LOC730098: variants seen among roughly 807,000 people sequenced by gnomAD.
the LOC730098 span, chr9:34,665,519 G>T: frequency 1.4e-6 from 1 of 698,904 alleles, no homozygotes; most frequent in East Asian, 2.7e-5. Context: ...CCCCTGGGAG[G>T]CTCGCCCTGC....
the LOC730098 span, chr9:34,665,306 C>G: frequency 5.7e-6 from 4 of 702,184 alleles, no homozygotes; most frequent in African/African-American, 3.5e-5. Context: ...GTATCGCAGC[C>G]TCCTCACCTC....
At chr9:34,665,678 C>T in the LOC730098 span, 1 of 701,054 alleles carries the variant, frequency 1.4e-6, no homozygotes, top group Non-Finnish European at 2.6e-6. Flanking sequence ...CTCCGAACGT[C>T]TCCTGGGGAG....
chr9:34,665,850 G>A, the LOC730098 span: 1 of 602,664 alleles, frequency 1.7e-6, no homozygotes. Context: ...GGCACTGGAA[G>A]TTAAGGGGTG....
the LOC730098 span, chr9:34,665,933 G>A: frequency 1.8e-6 from 1 of 542,172 alleles, no homozygotes; most frequent in Non-Finnish European, 3.3e-6. Context: ...CATGGGGCTG[G>A]GAGATTTGGG....
At chr9:34,664,816 G>A in the LOC730098 span, 1 of 407,706 alleles carries the variant, frequency 2.5e-6, no homozygotes, top group East Asian at 3.6e-5. Flanking sequence ...CTTCATATAG[G>A]CGACTCACAG....
At chr9:34,665,877 C>A in the LOC730098 span, 23 of 591,226 alleles carry the variant, frequency 3.9e-5, no homozygotes, top group African/African-American at 5.6e-5. Flanking sequence ...CCGGTCATCT[C>A]CGGGGCCTGG....
the LOC730098 span, chr9:34,665,092 C>T: frequency 1.7e-6 from 1 of 599,760 alleles, no homozygotes; most frequent in Non-Finnish European, 3.0e-6. Flanking sequence ...GCGGGGGAAG[C>T]CACGACCCGA....
chr9:34,665,245 C>G, the LOC730098 span: 8 of 696,114 alleles, frequency 1.1e-5, no homozygotes, highest in Admixed American at 6.1e-5. Context: ...CGGATTCCCC[C>G]CGATGGGTCC....
chr9:34,665,529 C>T, the LOC730098 span: 1 of 626,696 alleles, frequency 1.6e-6, no homozygotes, highest in South Asian at 1.5e-5. Flanking sequence ...GCTCGCCCTG[C>T]CCACCCCTCG....
At chr9:34,664,740 T>G in the LOC730098 span, 1 of 332,118 alleles carries the variant, frequency 3.0e-6, no homozygotes, top group South Asian at 1.4e-4. Flanking sequence ...GCAGAGAAGA[T>G]TCTTCAGACA....
the LOC730098 span, chr9:34,665,812 G>C: frequency 1.6e-6 from 1 of 623,710 alleles, no homozygotes; most frequent in Non-Finnish European, 2.9e-6. Context: ...TTGCCACCAC[G>C]GGACAGGGTG....
At chr9:34,664,670 T>C in the LOC730098 span, 5 of 180,820 alleles carry the variant, frequency 2.8e-5, no homozygotes, top group Non-Finnish European at 5.7e-5. Flanking sequence ...AATCTCCCCC[T>C]CTTACCATTT....
At chr9:34,665,943 G>A in the LOC730098 span, 1 of 524,836 alleles carries the variant, frequency 1.9e-6, no homozygotes, top group South Asian at 2.3e-5. Flanking sequence ...GGAGATTTGG[G>A]GCCCTGGGTG....
chr9:34,665,648 C>G, the LOC730098 span: 1 of 701,202 alleles, frequency 1.4e-6, no homozygotes, highest in Admixed American at 2.0e-5. Context: ...CGTATCTCCT[C>G]ATTCCCGACA....
the LOC730098 span, chr9:34,665,817 A>G: frequency 2.6e-5 from 16 of 616,634 alleles, no homozygotes; most frequent in East Asian, 3.3e-4. Flanking sequence ...ACCACGGGAC[A>G]GGGTGGGCTT....
the LOC730098 span, chr9:34,665,605 C>T: frequency 1.4e-6 from 1 of 701,148 alleles, no homozygotes; most frequent in South Asian, 1.5e-5. Flanking sequence ...GAACCCGCCT[C>T]CACTCACTCC....
At chr9:34,665,228 G>A in the LOC730098 span, 2 of 682,962 alleles carry the variant, frequency 2.9e-6, no homozygotes. Context: ...GGCGGGGCGG[G>A]AGCTACCGGA....
chr9:34,665,641 A>G, the LOC730098 span: 2 of 700,772 alleles, frequency 2.9e-6, no homozygotes, highest in East Asian at 2.7e-5. Context: ...GCCACCTCGT[A>G]TCTCCTCATT....
chr9:34,665,531 C>CA, the LOC730098 span: 2 of 687,598 alleles, frequency 2.9e-6, no homozygotes, highest in African/African-American at 1.8e-5. Context: ...TCGCCCTGCC[C>CA]ACCCCTCGCC....
Sources: allele counts gnomAD v4.1 joint callset, GRCh38; gene constraint gnomAD v4.1.1; transcripts MANE v1.5.